Variants in SHANK2 observed in about 807,000 individuals in gnomAD.
SHANK2 encodes SH3 and multiple ankyrin repeat domains protein 2.
SHANK2 carries 43 observed loss-of-function variants against 133.7 expected under a neutral mutation model. That is an observed-to-expected ratio of 0.32 (90% CI 0.25 to 0.41). The LOEUF is 0.41. Ranked by LOEUF, SHANK2 falls within the 10% of genes least tolerant of loss-of-function variation. The pLI is 1.00. For synonymous variants in SHANK2, 1,017 were observed against 952.8 expected (o/e 1.07, Z -1.24); for missense variants, 1,994 against 2,235.8 (o/e 0.89, Z 2.18).
chr11:70,897,649 T>G (rs1238421137), intron 10 of SHANK2, among the ~76,000 whole-genome samples: 2 of 152,216 alleles, frequency 1.3e-5, no homozygotes, highest in African/African-American at 4.8e-5. Context: ...ATGGGCTTAC[T>G]TCATTTGTTT....
In SHANK2 at chr11:70,485,589, C is replaced by T; in HGVS notation, c.4704G>A (p.Val1568=). The change falls in exon 25 of 26, where the codon GTG becomes GTA. Residue 1568 remains valine, a synonymous_variant. Coordinates refer to ENST00000601538, the MANE Select transcript of SHANK2 (RefSeq NM_012309.5). The surrounding 1 kb of genome is among the most constrained non-coding windows in gnomAD (Gnocchi z 5.8). ...TAACAAAGCTATCTACATCTTCTTCCACGAGCGCGTCTTGATAAAGTGCAT... is the reference window on the plus strand; with the variant it reads ...TAACAAAGCTATCTACATCTTCTTCTACGAGCGCGTCTTGATAAAGTGCAT... The part of the protein sequence containing the change: ...KSNALYQDAL[V]EEDVDSFVIP... The T allele has an allele frequency of 3.1e-6, 5 of 1,613,900 alleles. No homozygotes were observed. In the South Asian group the frequency reaches 3.3e-5, roughly 11 times the overall value.
At chr11:70,738,761 T>C (rs1946461851) in intron 14 of SHANK2, among the ~76,000 whole-genome samples, 1 of 152,198 alleles carries the variant, frequency 6.6e-6, no homozygotes. Flanking sequence ...GAACGCCCAC[T>C]GTGCCAGAAG....
At chr11:70,884,759 T>A (rs1555073071) in intron 11 of SHANK2, among the ~76,000 whole-genome samples, 1 of 152,196 alleles carries the variant, frequency 6.6e-6, no homozygotes, top group Admixed American at 6.6e-5. Flanking sequence ...TCGTTCTTGT[T>A]GCCCAGGCTG....
chr11:70,548,414 C>T (rs548073931), intron 17 of SHANK2, among the ~76,000 whole-genome samples: 4 of 152,308 alleles, frequency 2.6e-5, no homozygotes, highest in East Asian at 3.9e-4. Flanking sequence ...AGTCCCATCC[C>T]GTCCACCCGC....
At chr11:70,950,210 T>C in intron 10 of SHANK2, 1 of 445,810 alleles carries the variant, frequency 2.2e-6, no homozygotes. Flanking sequence ...AGGATTTCGC[T>C]CTATGGCCCA....
chr11:70,530,998 TC>T (rs1375847567), intron 17 of SHANK2, among the ~76,000 whole-genome samples: 4 of 151,632 alleles, frequency 2.6e-5, no homozygotes, highest in African/African-American at 9.7e-5. Flanking sequence ...AAACCCCATC[TC>T]TACTAAAAAT....
At chr11:71,058,679 G>A (rs1950950350) in intron 9 of SHANK2, among the ~76,000 whole-genome samples, 1 of 152,210 alleles carries the variant, frequency 6.6e-6, no homozygotes, top group South Asian at 2.1e-4. Flanking sequence ...GCAGATCCTG[G>A]GAATTCCATC....
At chr11:71,155,404 C>G (rs529330608) in intron 2 of SHANK2, among the ~76,000 whole-genome samples, 1 of 144,728 alleles carries the variant, frequency 6.9e-6, no homozygotes, top group Non-Finnish European at 1.5e-5. Flanking sequence ...CCCGCCCACG[C>G]TCCCAGAAGA....
At chr11:70,556,701 C>A (rs1469063587) in intron 17 of SHANK2, among the ~76,000 whole-genome samples, 1 of 151,508 alleles carries the variant, frequency 6.6e-6, no homozygotes, top group Non-Finnish European at 1.5e-5. Flanking sequence ...AAGTAATTCT[C>A]CTGCCTCAGC....
chr11:70,891,343 A>T lies in SHANK2; in HGVS notation c.1174+5158T>A, dbSNP rs183903399. 4.6e-3 allele frequency among the ~76,000 whole-genome samples: 696 copies of T among 152,126 alleles called. 8 individuals carry two copies. The highest frequency in any genetic ancestry group is 0.015 in the African/African-American group (603 of 41,526). ...CAGCGAAACCCCATCTCTACTAAAG[A>T]TACAAAAAAGTAGCCGGGGGTGGTG... is the stretch of plus-strand genomic sequence containing the variant. On this transcript the variant is annotated intron_variant, in intron 11 of 25. Coordinates refer to ENST00000601538, the MANE Select transcript of SHANK2 (RefSeq NM_012309.5).
At chr11:71,058,085 G>C (rs1191227487) in intron 9 of SHANK2, among the ~76,000 whole-genome samples, 1 of 151,236 alleles carries the variant, frequency 6.6e-6, no homozygotes, top group African/African-American at 2.4e-5. Flanking sequence ...TTGTAGAGAC[G>C]AGGTCCCCCG....
intron 14 of SHANK2, among the ~76,000 whole-genome samples, chr11:70,788,329 G>T (rs1195232896): frequency 4.6e-5 from 7 of 152,228 alleles, no homozygotes; most frequent in African/African-American, 1.7e-4. Flanking sequence ...TTCACTTTCT[G>T]AGGTTTTAAT....
At chr11:70,707,357 G>A (rs1394694027) in intron 14 of SHANK2, among the ~76,000 whole-genome samples, 1 of 123,138 alleles carries the variant, frequency 8.1e-6, no homozygotes, top group Admixed American at 9.7e-5. Context: ...GGGCGACAGA[G>A]TGAAAACTCC....
chr11:70,640,291 G>C (rs2134149894), intron 17 of SHANK2, among the ~76,000 whole-genome samples: 1 of 152,346 alleles, frequency 6.6e-6, no homozygotes, highest in Admixed American at 6.5e-5. Context: ...GAGAGGCAGG[G>C]GGAGATTTGA....
chr11:70,665,253 A>G (rs1944657533), intron 15 of SHANK2, among the ~76,000 whole-genome samples: 1 of 151,918 alleles, frequency 6.6e-6, no homozygotes, highest in Non-Finnish European at 1.5e-5. Flanking sequence ...TGATCCTCCT[A>G]CCTCAGCCTC....
At position 70,731,626 on chromosome 11, in the gene SHANK2, G is replaced by A. The variant is rs568745711; in HGVS notation, c.1778-32863C>T. On this transcript the variant is annotated intron_variant, in intron 14 of 25. Coordinates refer to ENST00000601538, the MANE Select transcript of SHANK2 (RefSeq NM_012309.5). ...TGAATAATATTCCATTCACTGGACA[G>A]ACCACAGTCTGTCCATCCATCCACC... 1.2e-4 allele frequency among the ~76,000 whole-genome samples: 18 copies of A among 152,304 alleles called. 1 individual carries two copies. In the South Asian group the frequency reaches 3.7e-3, roughly 32 times the overall value.
chr11:71,075,251 G>A lies in SHANK2; in HGVS notation c.937C>T (p.His313Tyr). The A allele has an allele frequency of 4.1e-6, 1 of 246,704 alleles. No individual in the cohort carries two copies. The highest frequency in any genetic ancestry group is 7.3e-5 in the South Asian group (1 of 13,656). The allele number at this position is 246,704 out of a possible 1,614,324, so 15.3% of individuals were successfully genotyped here. ...CCGTAGAACAGCAGGTGCTCCAGGT[G>A]CTGCACGTGCCCGTACCTGCAGGCC... is the stretch of plus-strand genomic sequence containing the variant. ...HQACRYGHVQ[H>Y]LEHLLFYGAD... Residue 313 changes from histidine (H) to tyrosine (Y), a missense_variant, in exon 9 of 26, where the codon CAC becomes TAC. By Grantham distance (83) the His-to-Tyr change is moderately conservative (BLOSUM62 2). Coordinates refer to ENST00000601538, the MANE Select transcript of SHANK2 (RefSeq NM_012309.5).
intron 17 of SHANK2, among the ~76,000 whole-genome samples, chr11:70,621,473 C>T (rs1167161944): frequency 1.3e-5 from 2 of 152,218 alleles, no homozygotes; most frequent in Non-Finnish European, 2.9e-5. Flanking sequence ...CACCACACTG[C>T]CAGATGCACA....
intron 8 of SHANK2, among the ~76,000 whole-genome samples, chr11:71,081,278 G>A (rs1274637319): frequency 6.6e-6 from 1 of 152,162 alleles, no homozygotes; most frequent in Admixed American, 6.5e-5. Flanking sequence ...GATAATGAAT[G>A]TCTATTGTTT....
Sources: allele counts gnomAD v4.1 joint callset (sites outside exome capture counted in the v4.1 genomes callset), GRCh38; gene constraint gnomAD v4.1.1; non-coding constraint Gnocchi (gnomAD v3.1); transcripts MANE v1.5; gene names NCBI Gene and HGNC (gene_info 2026-07-23, HGNC 2026-07-21).